RELCH: variants seen among roughly 807,000 people sequenced by gnomAD.
RELCH encodes the protein RAB11 binding and LisH domain, coiled-coil and HEAT repeat containing.
A neutral mutation model predicts 150.3 loss-of-function variants in RELCH; 41 were observed. That is an observed-to-expected ratio of 0.27 (90% CI 0.21 to 0.35). The LOEUF (loss-of-function observed/expected upper bound fraction) is 0.35. Among genes scored for constraint, RELCH ranks in the 10% least tolerant of loss-of-function variants. The pLI, the probability that RELCH is intolerant of heterozygous loss-of-function variation, is 1.00. For missense variants in RELCH, 1,092 were observed against 1,467.8 expected (o/e 0.74, Z 4.18); for synonymous variants, 478 against 531.8 (o/e 0.90, Z 1.39).
intron 21 of RELCH, among the ~76,000 whole-genome samples, chr18:62,274,488 T>C (rs2044084550): frequency 6.6e-6 from 1 of 152,226 alleles, no homozygotes; most frequent in Admixed American, 6.5e-5. Flanking sequence ...ATCTGGCTGC[T>C]AAAATAATTT....
In RELCH at chr18:62,273,965, AT is replaced by A; in HGVS notation, c.2761-10del. 6.7e-7 allele frequency: 1 copy of A among 1,497,162 alleles called. No individual in the cohort carries two copies. The highest frequency in any genetic ancestry group is 9.3e-7 in the Non-Finnish European group (1 of 1,075,348). 92.7% of individuals were successfully genotyped at this position (1,497,162 alleles called of 1,614,324 possible). On this transcript the variant is annotated splice_polypyrimidine_tract_variant and intron_variant, in intron 20 of 28. Coordinates refer to ENST00000644646, the MANE Select transcript of RELCH (RefSeq NM_001346231.2). ...GATTGTTTGGAAATTCAGTATCAGT[AT>A]TTTTCCTCTGTAGGAAGAAGACCGA...
chr18:62,200,043 T>G (rs1421704563), intron 1 of RELCH, among the ~76,000 whole-genome samples: 2 of 152,318 alleles, frequency 1.3e-5, no homozygotes, highest in East Asian at 1.9e-4. Context: ...CATCTTGTAT[T>G]ATAGAAATTT....
At chr18:62,212,647 A>G (rs1284194660) in intron 2 of RELCH, among the ~76,000 whole-genome samples, 1 of 152,192 alleles carries the variant, frequency 6.6e-6, no homozygotes, top group Non-Finnish European at 1.5e-5. Context: ...TCACTGAGTT[A>G]TAGAACTGTT....
chr18:62,280,754 G>C lies in RELCH; in HGVS notation c.3114+45G>C, dbSNP rs761702428. 5 of 1,309,006 alleles carry C rather than the reference G, an allele frequency of 3.8e-6. No homozygotes were observed. In the African/African-American group the frequency reaches 5.8e-5, roughly 15 times the overall value. The allele number at this position is 1,309,006 out of a possible 1,614,324, so 81.1% of individuals were successfully genotyped here. On this transcript the variant is annotated intron_variant, in intron 24 of 28. Coordinates refer to ENST00000644646, the MANE Select transcript of RELCH (RefSeq NM_001346231.2). Reference sequence around the variant, plus strand: ...ATTTATGTCTGTGTAATATTGATGTGGTCATGATACATGTATCTGGTGGTA... The same window carrying C: ...ATTTATGTCTGTGTAATATTGATGTCGTCATGATACATGTATCTGGTGGTA...
At position 62,195,280 on chromosome 18, in the gene RELCH, CTGTG is replaced by C. The variant is rs148387504; in HGVS notation, c.526+7279_526+7282del. Among the ~76,000 whole-genome samples, 165 of 136,284 alleles carry C rather than the reference CTGTG, an allele frequency of 1.2e-3. 2 individuals carry two copies. The South Asian group carries it at 0.018, about 15-fold the overall frequency. The allele number at this position is 136,284 out of a possible 152,430, so 89.4% of individuals were successfully genotyped here. On this transcript the variant is annotated intron_variant, in intron 1 of 28. Coordinates refer to ENST00000644646, the MANE Select transcript of RELCH (RefSeq NM_001346231.2). The stretch of plus-strand genomic sequence containing the variant: ...TTATTTGCTGGAATATACACACACT[CTGTG>C]TGTGTGTGTGTGTGTGTGTGTGTGT...
intron 2 of RELCH, 85 bp from the exon 3 acceptor site, chr18:62,220,952 C>A: frequency 9.9e-7 from 1 of 1,013,036 alleles, no homozygotes; most frequent in South Asian, 1.4e-5. Context: ...TTTTTTCATA[C>A]CCATCCTTGC....
intron 2 of RELCH, among the ~76,000 whole-genome samples, chr18:62,211,643 A>T (rs2040177208): frequency 6.6e-6 from 1 of 152,122 alleles, no homozygotes; most frequent in African/African-American, 2.4e-5. Flanking sequence ...TGAACCAGGC[A>T]TGGTGGTTCA....
intron 18 of RELCH, among the ~76,000 whole-genome samples, chr18:62,265,656 C>T (rs2043517804): frequency 6.6e-6 from 1 of 151,938 alleles, no homozygotes; most frequent in South Asian, 2.1e-4. Flanking sequence ...AGGAACTGGA[C>T]AAAATTCAGA....
At chr18:62,228,706 A>G in intron 8 of RELCH, 108 bp downstream of exon 8, 1 of 775,806 alleles carries the variant, frequency 1.3e-6, no homozygotes, top group Non-Finnish European at 2.0e-6. Context: ...GATCAAATAT[A>G]TTAATTTTTA....
At chr18:62,223,460 C>A (rs76373271) in intron 5 of RELCH, among the ~76,000 whole-genome samples, 13,450 of 151,848 alleles carry the variant, frequency 0.089, 677 homozygotes, top group Middle Eastern at 0.17. Context: ...ATACTACTAC[C>A]AAGAAAACTC....
At chr18:62,264,198 C>T (rs1284571876) in intron 17 of RELCH, 53 bp downstream of exon 17, 9 of 1,440,952 alleles carry the variant, frequency 6.2e-6, no homozygotes, top group Non-Finnish European at 7.5e-6. Context: ...TTATATTTAG[C>T]CTTGGCCCTA....
At chr18:62,207,537 G>C (rs975187721) in intron 1 of RELCH, among the ~76,000 whole-genome samples, 5 of 152,144 alleles carry the variant, frequency 3.3e-5, no homozygotes, top group Non-Finnish European at 5.9e-5. Flanking sequence ...TCCTATGATA[G>C]ATAACTCTGT....
intron 26 of RELCH, among the ~76,000 whole-genome samples, chr18:62,290,621 G>A (rs1049249741): frequency 5.9e-5 from 9 of 152,214 alleles, no homozygotes; most frequent in Non-Finnish European, 1.0e-4. Context: ...CTAGAATAAA[G>A]GGAGAATGTA....
rs2145184294 is a variant in RELCH, at chr18:62,305,106, G to C, written c.3531-308G>C. Among the ~76,000 whole-genome samples the C allele has an allele frequency of 6.6e-6, 1 of 152,256 alleles. No individual in the cohort carries two copies. The highest frequency in any genetic ancestry group is 2.1e-4 in the South Asian group (1 of 4,820). ...AATATAATCCTAATAACCCTAGGAGGCAAATACTAGAATCATCCTCGTTTT... is the reference window on the plus strand; with the variant it reads ...AATATAATCCTAATAACCCTAGGAGCCAAATACTAGAATCATCCTCGTTTT... On this transcript the variant is annotated intron_variant, in intron 28 of 28. Transcript: ENST00000644646. The surrounding 1 kb of genome is among the most constrained non-coding windows in gnomAD (Gnocchi z 4.0).
chr18:62,222,688 A>G, intron 5 of RELCH, among the ~76,000 whole-genome samples: 1 of 151,998 alleles, frequency 6.6e-6, no homozygotes, highest in Non-Finnish European at 1.5e-5. Context: ...CTTTTAGGAT[A>G]TAGAAGGCTT....
At chr18:62,243,880 C>T (rs1306597879) in intron 10 of RELCH, among the ~76,000 whole-genome samples, 1 of 151,924 alleles carries the variant, frequency 6.6e-6, no homozygotes, top group Non-Finnish European at 1.5e-5. Flanking sequence ...AGTCATTCTT[C>T]CCTTCTTAAT....
At chr18:62,203,187 G>A (rs539779829) in intron 1 of RELCH, among the ~76,000 whole-genome samples, 2 of 152,334 alleles carry the variant, frequency 1.3e-5, no homozygotes, top group South Asian at 2.1e-4. Context: ...GCTGGACATG[G>A]TGGCTCACAC....
intron 17 of RELCH, among the ~76,000 whole-genome samples, 193 bp downstream of exon 17, chr18:62,264,338 CG>C (rs201372390): frequency 2.6e-5 from 4 of 151,970 alleles, no homozygotes; most frequent in Non-Finnish European, 5.9e-5. Flanking sequence ...GTATTTTATC[CG>C]AATGATCTAT....
intron 1 of RELCH, among the ~76,000 whole-genome samples, chr18:62,190,460 C>T (rs1208035698): frequency 6.6e-6 from 1 of 152,032 alleles, no homozygotes; most frequent in East Asian, 1.9e-4. Flanking sequence ...ACCTGTAATC[C>T]CAGCTACACG....
Sources: gnomAD v4.1 joint callset for allele counts (sites outside exome capture counted in the v4.1 genomes callset) on GRCh38, gnomAD v4.1.1 for gene constraint, Gnocchi (gnomAD v3.1) non-coding constraint, MANE v1.5 for transcripts, NCBI Gene and HGNC (gene_info 2026-07-23, HGNC 2026-07-21) for gene names.